Variants in NAA15 observed in about 807,000 individuals in gnomAD.
NAA15 encodes the protein N-alpha-acetyltransferase 15, NatA auxiliary subunit.
NAA15 carries 34 observed loss-of-function variants against 114.0 expected under a neutral mutation model. The observed-to-expected ratio is 0.30, with a 90% CI of 0.23 to 0.40. The LOEUF (loss-of-function observed/expected upper bound fraction) is 0.40, where lower values mean the gene tolerates loss of function less well. Among genes scored for constraint, NAA15 ranks in the 10% least tolerant of loss-of-function variants. The pLI, the probability that NAA15 is intolerant of heterozygous loss-of-function variation, is 1.00. For synonymous variants in NAA15, 340 were observed against 338.0 expected, an observed-to-expected ratio of 1.01 and a Z score of -0.06; for missense variants, 658 against 1,004.5, an observed-to-expected ratio of 0.66 and a Z score of 4.66.
At chr4:139,321,323 A>C (rs916046378) in intron 1 of NAA15, among the ~76,000 whole-genome samples, 1 of 151,876 alleles carries the variant, frequency 6.6e-6, no homozygotes, top group African/African-American at 2.4e-5. Context: ...AAAAATTTAT[A>C]GCCTTTTACT....
chr4:139,322,459 T>C (rs1746651036), intron 1 of NAA15, among the ~76,000 whole-genome samples: 1 of 152,216 alleles, frequency 6.6e-6, no homozygotes, highest in Non-Finnish European at 1.5e-5. Flanking sequence ...AATGGACTAA[T>C]ACATGGGTCT....
At chr4:139,376,780 A>AC (rs1748593366) in intron 16 of NAA15, among the ~76,000 whole-genome samples, 1 of 152,230 alleles carries the variant, frequency 6.6e-6, no homozygotes, top group Admixed American at 6.5e-5. Context: ...CAGAGCTTAG[A>AC]CCTAGTACCT....
At position 139,353,479 on chromosome 4, in the gene NAA15, C is replaced by A. The variant is rs1002400209; in HGVS notation, c.1015-547C>A. On this transcript the variant is annotated intron_variant, in intron 9 of 19. Coordinates refer to ENST00000296543, the MANE Select transcript of NAA15 (RefSeq NM_057175.5). ...TAGTAAATAAAAAATGCTCAGAGATCTCTCAGGAAGCCAGGAGCGAGTAGT... is the reference window on the plus strand; with the variant it reads ...TAGTAAATAAAAAATGCTCAGAGATATCTCAGGAAGCCAGGAGCGAGTAGT... 3.9e-5 allele frequency among the ~76,000 whole-genome samples: 6 copies of A among 152,244 alleles called. No individual in the cohort carries two copies. The East Asian group carries it at 1.2e-3, about 29-fold the overall frequency.
chr4:139,331,617 A>ATTTTTTTTTTTTTTT (rs34467609), intron 1 of NAA15, among the ~76,000 whole-genome samples: 1 of 127,864 alleles, frequency 7.8e-6, no homozygotes, highest in African/African-American at 2.9e-5. Context: ...TGCCCGGCTA[A>ATTTTTTTTTTTTTTT]TTTTTTTTTT....
chr4:139,373,828 A>T (rs553089060), intron 15 of NAA15, among the ~76,000 whole-genome samples: 1 of 152,026 alleles, frequency 6.6e-6, no homozygotes, highest in Admixed American at 6.6e-5. Flanking sequence ...CTTCCCCAGT[A>T]GCTGGGATTA....
At chr4:139,336,182 ATAAAT>A (rs1182177118) in intron 2 of NAA15, among the ~76,000 whole-genome samples, 1 of 152,226 alleles carries the variant, frequency 6.6e-6, no homozygotes, top group African/African-American at 2.4e-5. Context: ...AATCAATCAA[ATAAAT>A]TAAAAAGTTA....
intron 1 of NAA15, among the ~76,000 whole-genome samples, chr4:139,317,398 T>C (rs1324030780): frequency 6.6e-6 from 1 of 151,608 alleles, no homozygotes; most frequent in Non-Finnish European, 1.5e-5. Context: ...CCGAGGCGGG[T>C]AGATCACGAG....
intron 17 of NAA15, among the ~76,000 whole-genome samples, chr4:139,381,534 T>C (rs1748755279): frequency 6.6e-6 from 1 of 152,108 alleles, no homozygotes; most frequent in Non-Finnish European, 1.5e-5. Flanking sequence ...ATTTGTTTAT[T>C]AAACCTTGTT....
intron 14 of NAA15, among the ~76,000 whole-genome samples, chr4:139,367,860 GT>G (rs1748327605): frequency 6.6e-6 from 1 of 152,102 alleles, no homozygotes; most frequent in Non-Finnish European, 1.5e-5. Context: ...CAGTTAGTTA[GT>G]TAGCTCACTG....
At chr4:139,315,641 T>G (rs1280653808) in intron 1 of NAA15, among the ~76,000 whole-genome samples, 1 of 151,950 alleles carries the variant, frequency 6.6e-6, no homozygotes, top group Non-Finnish European at 1.5e-5. Context: ...TGCCCAATGG[T>G]AAAGCACGTG....
intron 14 of NAA15, among the ~76,000 whole-genome samples, chr4:139,365,330 A>C (rs1748248399): frequency 6.6e-6 from 1 of 151,824 alleles, no homozygotes; most frequent in Non-Finnish European, 1.5e-5. Flanking sequence ...GAGCCACCAC[A>C]TGCGGCCTAC....
intron 1 of NAA15, among the ~76,000 whole-genome samples, chr4:139,315,835 C>T (rs1746392787): frequency 6.8e-6 from 1 of 147,636 alleles, no homozygotes; most frequent in African/African-American, 2.5e-5. Context: ...CATTAGTTAC[C>T]TTTATATTAT....
intron 10 of NAA15, among the ~76,000 whole-genome samples, chr4:139,357,133 C>T (rs946996021): frequency 5.3e-5 from 8 of 151,944 alleles, no homozygotes; most frequent in Non-Finnish European, 1.2e-4. Context: ...GGTAGTTAGA[C>T]CTTATTTATC....
chr4:139,369,461 T>G (rs1748372832), intron 14 of NAA15, among the ~76,000 whole-genome samples: 1 of 152,150 alleles, frequency 6.6e-6, no homozygotes, highest in South Asian at 2.1e-4. Context: ...TAGGTACTGC[T>G]GGGTGCGGTG....
chr4:139,338,093 C>A (rs936773639), intron 3 of NAA15, among the ~76,000 whole-genome samples: 1 of 152,084 alleles, frequency 6.6e-6, no homozygotes, highest in Non-Finnish European at 1.5e-5. Context: ...ATGTTAAACT[C>A]TTTGAGGGTG....
At position 139,355,171 on chromosome 4, in the gene NAA15, G is replaced by A. The variant is rs536831990; in HGVS notation, c.1087+1073G>A. Among the ~76,000 whole-genome samples, 23 of 152,218 alleles carry A rather than the reference G, an allele frequency of 1.5e-4. No homozygotes were observed. In the South Asian group the frequency reaches 4.6e-3, roughly 30 times the overall value. On this transcript the variant is annotated intron_variant, in intron 10 of 19. Transcript: ENST00000296543. The stretch of plus-strand genomic sequence containing the variant: ...TGGGATTATAGGCATGAGCCACCAC[G>A]CCTGACAAAAATTAATACTTTCTTA...
intron 14 of NAA15, among the ~76,000 whole-genome samples, chr4:139,364,427 G>A (rs1748220563): frequency 1.3e-5 from 2 of 152,008 alleles, no homozygotes; most frequent in African/African-American, 4.8e-5. Context: ...TTAAACATTT[G>A]GAGTTAATTT....
Position 139,387,898 on chromosome 4 carries a change from A to G in NAA15, c.2415A>G (p.Val805=), listed in dbSNP as rs2111013218. The G allele has an allele frequency of 6.2e-7, 1 of 1,613,874 alleles. No individual in the cohort carries two copies. The highest frequency in any genetic ancestry group is 1.7e-4 in the Middle Eastern group (1 of 6,056). Residue 805 remains valine, a synonymous_variant, in exon 20 of 20, where the codon GTA becomes GTG. Coordinates refer to ENST00000296543, the MANE Select transcript of NAA15 (RefSeq NM_057175.5). ...TCTTTCCTTAGACATGTATGGAGGT[A>G]TTGGAAGCCTTGTATGATGGTAGCC... ...TNRNLQTCME[V]LEALYDGSLG...
At chr4:139,326,498 C>T (rs143315446) in intron 1 of NAA15, among the ~76,000 whole-genome samples, 19 of 152,282 alleles carry the variant, frequency 1.2e-4, no homozygotes, top group African/African-American at 3.8e-4. Context: ...TTTTGATACT[C>T]AGCAAAGTAC....
Sources: allele counts gnomAD v4.1 joint callset (sites outside exome capture counted in the v4.1 genomes callset), GRCh38; gene constraint gnomAD v4.1.1; transcripts MANE v1.5; gene names NCBI Gene and HGNC (gene_info 2026-07-23, HGNC 2026-07-21).